Variants in SDHB observed in about 807,000 individuals in gnomAD.
SDHB encodes the protein succinate dehydrogenase [ubiquinone] iron-sulfur subunit, mitochondrial.
Under a neutral mutation model 39.7 loss-of-function variants are expected in SDHB, and 21 were observed. The observed-to-expected ratio is 0.53, with a 90% CI of 0.37 to 0.76. SDHB has a LOEUF of 0.76. Among genes scored for constraint, SDHB ranks in the 30% least tolerant of loss-of-function variants. SDHB has a pLI of 0.00. For synonymous variants in SDHB, 118 were observed against 117.0 expected (o/e 1.01, Z -0.06); for missense variants, 343 against 350.9 (o/e 0.98, Z 0.18).
At chr1:17,047,057 T>C (rs1328633628) in intron 1 of SDHB, among the ~76,000 whole-genome samples, 1 of 152,074 alleles carries the variant, frequency 6.6e-6, no homozygotes, top group East Asian at 1.9e-4. Flanking sequence ...CATATGCATT[T>C]ATAGAAAATA....
chr1:17,047,081 G>C (rs915089150), intron 1 of SDHB, among the ~76,000 whole-genome samples: 6 of 152,156 alleles, frequency 3.9e-5, no homozygotes, highest in African/African-American at 1.4e-4. Flanking sequence ...CTGAGGCCAG[G>C]TGCAGTGGCT....
intron 3 of SDHB, among the ~76,000 whole-genome samples, chr1:17,029,908 A>G (rs1361589765): frequency 6.6e-6 from 1 of 152,186 alleles, no homozygotes; most frequent in Non-Finnish European, 1.5e-5. Flanking sequence ...GAATTCAAAA[A>G]AATTCTTTGT....
chr1:17,033,672 C>A (rs1279306605), intron 2 of SDHB, among the ~76,000 whole-genome samples: 1 of 152,216 alleles, frequency 6.6e-6, no homozygotes, highest in African/African-American at 2.4e-5. Flanking sequence ...GGGCGTGGGA[C>A]CTGGAGTGCC....
chr1:17,041,657 G>T (rs2078080715), intron 2 of SDHB, among the ~76,000 whole-genome samples: 2 of 151,882 alleles, frequency 1.3e-5, no homozygotes, highest in Non-Finnish European at 2.9e-5. Flanking sequence ...GTGAAACTCA[G>T]ACTCAAAATA....
intron 4 of SDHB, 138 bp from the exon 5 acceptor site, chr1:17,028,003 TTG>T: frequency 1.5e-6 from 1 of 675,530 alleles, no homozygotes. Context: ...CTCTTTTCCT[TTG>T]TCATGAATAT....
intron 2 of SDHB, among the ~76,000 whole-genome samples, chr1:17,044,005 T>G (rs186100740): frequency 6.6e-6 from 1 of 152,384 alleles, no homozygotes; most frequent in Non-Finnish European, 1.5e-5. Context: ...ACATTTAGGT[T>G]GTTTTAAGTC....
rs775730611 is a variant in SDHB at position 17,050,637 on chromosome 1, G to A, written c.72+3311C>T. Among the ~76,000 whole-genome samples the A allele has an allele frequency of 8.5e-4, 126 of 147,784 alleles. 1 individual carries two copies. Among genetic ancestry groups the A allele is most frequent in the African/African-American group, 3.0e-3 (121 of 40,530 alleles). On this transcript the variant is annotated intron_variant, in intron 1 of 7. Coordinates refer to ENST00000375499, the MANE Select transcript of SDHB (RefSeq NM_003000.3). ...ACTGCACTCCATCCTGGGCAACAAC[G>A]TGAGCGTGACTCTGTCTCAAAAAAA...
chr1:17,049,647 C>CTTTTTTTT (rs397835910), intron 1 of SDHB, among the ~76,000 whole-genome samples: 535 of 52,070 alleles, frequency 0.01, 79 homozygotes, highest in Middle Eastern at 0.038. Context: ...TCCCCTAGTT[C>CTTTTTTTT]TTTTTTTTTT....
intron 5 of SDHB, among the ~76,000 whole-genome samples, chr1:17,024,942 G>A (rs2077983484): frequency 6.6e-6 from 1 of 152,224 alleles, no homozygotes; most frequent in African/African-American, 2.4e-5. Context: ...TCTATGTTAT[G>A]TCCAGACAGC....
chr1:17,030,716 C>T (rs1206551297), intron 3 of SDHB, among the ~76,000 whole-genome samples: 1 of 151,168 alleles, frequency 6.6e-6, no homozygotes, highest in African/African-American at 2.4e-5. Flanking sequence ...GAGTCTTGCT[C>T]TGTCGCCCAG....
chr1:17,022,528 C>T lies in SDHB; in HGVS notation c.765+80G>A, dbSNP rs910713015. 27 of 1,581,188 alleles carry T rather than the reference C, an allele frequency of 1.7e-5. No individual in the cohort carries two copies. In the African/African-American group the frequency reaches 3.4e-4, roughly 20 times the overall value. The stretch of plus-strand genomic sequence containing the variant: ...CTCAAATGACTAGGGTTGCTCTCTG[C>T]CAATCACCTCTTTGTGAGCACATGC... On this transcript the variant is annotated intron_variant, in intron 7 of 7. Coordinates refer to ENST00000375499, the MANE Select transcript of SDHB (RefSeq NM_003000.3).
intron 1 of SDHB, among the ~76,000 whole-genome samples, chr1:17,046,556 A>G (rs2078111190): frequency 6.6e-6 from 1 of 152,142 alleles, no homozygotes; most frequent in South Asian, 2.1e-4. Flanking sequence ...GCAACTGATC[A>G]GCTATCATCA....
chr1:17,038,140 CA>C (rs879536312), intron 2 of SDHB, among the ~76,000 whole-genome samples: 39 of 144,172 alleles, frequency 2.7e-4, no homozygotes, highest in Non-Finnish European at 2.3e-4. Context: ...AACTCTGTCT[CA>C]AAAAAAAAAA....
At chr1:17,025,747 C>A (rs920019377) in intron 5 of SDHB, among the ~76,000 whole-genome samples, 1 of 152,136 alleles carries the variant, frequency 6.6e-6, no homozygotes. Context: ...TTATTAAGTT[C>A]AGCATACTAA....
At chr1:17,046,233 G>A (rs991550115) in intron 1 of SDHB, among the ~76,000 whole-genome samples, 8 of 152,062 alleles carry the variant, frequency 5.3e-5, no homozygotes, top group Admixed American at 1.3e-4. Context: ...GTTTTTCACC[G>A]GGAACCCCAT....
intron 2 of SDHB, among the ~76,000 whole-genome samples, chr1:17,038,377 TAC>T (rs758397435): frequency 2.0e-5 from 3 of 152,134 alleles, no homozygotes; most frequent in Non-Finnish European, 2.9e-5. Flanking sequence ...GCCATTGAAA[TAC>T]ACACACACAC....
chr1:17,047,988 CTT>C (rs2078123417), intron 1 of SDHB, among the ~76,000 whole-genome samples: 1 of 152,146 alleles, frequency 6.6e-6, no homozygotes, highest in East Asian at 1.9e-4. Context: ...CCCACATACT[CTT>C]TACCCAGTCT....
chr1:17,052,008 A>G (rs1298542490), intron 1 of SDHB, among the ~76,000 whole-genome samples: 4 of 133,876 alleles, frequency 3.0e-5, no homozygotes, highest in African/African-American at 1.1e-4. Context: ...CGCCCAGCTA[A>G]TTTTTTTTTT....
At chr1:17,033,450 CA>C (rs1490213692) in intron 2 of SDHB, among the ~76,000 whole-genome samples, 1 of 152,180 alleles carries the variant, frequency 6.6e-6, no homozygotes, top group East Asian at 1.9e-4. Context: ...AAGCTCCCTG[CA>C]AAGTTTTTCC....
Sources: gnomAD v4.1 joint callset for allele counts (sites outside exome capture counted in the v4.1 genomes callset) on GRCh38, gnomAD v4.1.1 for gene constraint, MANE v1.5 for transcripts, NCBI Gene and HGNC (gene_info 2026-07-23, HGNC 2026-07-21) for gene names.